The following SCN1A variants were observed in gnomAD, a reference collection of about 807,000 sequenced individuals.
The protein encoded by SCN1A is sodium voltage-gated channel alpha subunit 1, also known as sodium channel protein type 1 subunit alpha.
SCN1A carries 13 observed loss-of-function variants against 193.7 expected under a neutral mutation model. The ratio of observed to expected loss-of-function variants is 0.07; its 90% CI spans 0.04 to 0.11. The LOEUF (loss-of-function observed/expected upper bound fraction) is 0.11. Among genes scored for constraint, SCN1A ranks in the 10% least tolerant of loss-of-function variants. The probability of loss-of-function intolerance (pLI) is 1.00; values close to 1 mark genes in which losing one functional copy is unlikely to be tolerated. For missense variants in SCN1A, 1,432 were observed against 2,451.1 expected (o/e 0.58, Z 8.78); for synonymous variants, 781 against 843.6 (o/e 0.93, Z 1.29).
chr2:166,092,988 G>T (rs916025780), intron 2 of SCN1A, among the ~76,000 whole-genome samples: 1 of 152,032 alleles, frequency 6.6e-6, no homozygotes, highest in Non-Finnish European at 1.5e-5. Flanking sequence ...CATGGCCACA[G>T]CTTGGTAGGT....
chr2:166,120,313 T>C (rs987685582), intron 2 of SCN1A, among the ~76,000 whole-genome samples: 6 of 151,670 alleles, frequency 4.0e-5, no homozygotes, highest in African/African-American at 1.4e-4. Flanking sequence ...ATCCTAATTC[T>C]ATAAACCAGA....
intron 9 of SCN1A, among the ~76,000 whole-genome samples, chr2:166,050,457 A>G (rs1036667507): frequency 6.6e-6 from 1 of 150,998 alleles, no homozygotes; most frequent in African/African-American, 2.4e-5. Context: ...TAAACCCTAA[A>G]TAACCCTCAT....
intron 3 of SCN1A, among the ~76,000 whole-genome samples, chr2:166,074,862 A>G (rs932050221): frequency 1.1e-4 from 17 of 152,152 alleles, no homozygotes; most frequent in Admixed American, 1.0e-3. Context: ...GGAGGTTCTC[A>G]TTGTTGTGAG....
At chr2:166,032,053 C>T (rs950891556) in intron 19 of SCN1A, among the ~76,000 whole-genome samples, 2 of 151,910 alleles carry the variant, frequency 1.3e-5, no homozygotes, top group Non-Finnish European at 2.9e-5. Context: ...TATAATGATG[C>T]ATTGTAGATA....
intron 16 of SCN1A, among the ~76,000 whole-genome samples, chr2:166,040,206 C>G (rs1029067971): frequency 6.6e-6 from 1 of 152,196 alleles, no homozygotes; most frequent in African/African-American, 2.4e-5. Context: ...GCGTGAGCCA[C>G]TGCGCCCAGC....
Position 166,036,119 on chromosome 2 carries a change from C to T in SCN1A, c.3358G>A (p.Gly1120Arg), listed in dbSNP as rs749317646. The T allele has an allele frequency of 6.2e-7, 1 of 1,613,942 alleles. No homozygotes were observed. The highest frequency in any genetic ancestry group is 8.5e-7 in the Non-Finnish European group (1 of 1,179,902). Residue 1120 changes from glycine (G) to arginine (R), a missense_variant, in exon 19 of 29, where the codon GGA (glycine) becomes AGA (arginine). Coordinates refer to ENST00000674923, the MANE Select transcript of SCN1A (RefSeq NM_001165963.4). ...TTTAAATTTTCAAAGTCAGATTCTC[C>T]TACAGCAATTGGTACAGTCACAGTA... ...SLTVTVPIAV[G>R]ESDFENLNTE...
chr2:166,026,679 C>CTTTTTTTTTTTTTTTTTT (rs35750460), intron 19 of SCN1A, among the ~76,000 whole-genome samples: 3 of 97,690 alleles, frequency 3.1e-5, no homozygotes, highest in African/African-American at 4.5e-5. Context: ...TTCTTTCTTT[C>CTTTTTTTTTTTTTTTTTT]TTTTTTTTTT....
In SCN1A at chr2:165,988,038, T is replaced by A. The variant is rs1688717646; in HGVS notation, c.*3207A>T. On this transcript the variant is annotated 3_prime_UTR_variant, in exon 29 of 29. Transcript: ENST00000674923. ...AAAGCCTTTTAATTACTGTCCCTTT[T>A]CTGGTTGAGGCTATATTCCCTCTTC... The A allele has an allele frequency of 6.6e-6, 1 of 152,132 alleles. No homozygotes were observed. Among genetic ancestry groups the A allele is most frequent in the Non-Finnish European group, 1.5e-5 (1 of 68,018 alleles). 9.4% of individuals were successfully genotyped at this position (152,132 alleles called of 1,614,324 possible). A position where few individuals can be genotyped will look rare whatever the true frequency, so the allele number is the denominator to read the frequency against.
intron 9 of SCN1A, among the ~76,000 whole-genome samples, chr2:166,049,396 G>A (rs2105877019): frequency 6.6e-6 from 1 of 152,060 alleles, no homozygotes; most frequent in African/African-American, 2.4e-5. Context: ...TAAAAGAATA[G>A]TATATTTTCT....
intron 1 of SCN1A, among the ~76,000 whole-genome samples, chr2:166,143,876 C>T (rs1356040983): frequency 6.6e-6 from 1 of 152,142 alleles, no homozygotes; most frequent in Non-Finnish European, 1.5e-5. Context: ...TGAGTATTCA[C>T]TTTAAGACTA....
chr2:166,147,792 A>ATATACCATTTATT (rs1256610974), intron 1 of SCN1A, among the ~76,000 whole-genome samples: 2 of 152,216 alleles, frequency 1.3e-5, no homozygotes, highest in African/African-American at 2.4e-5. Flanking sequence ...GTATATTTTC[A>ATATACCATTTATT]TCATAAATAA....
chr2:166,001,449 T>A (rs1289083209), intron 24 of SCN1A, among the ~76,000 whole-genome samples: 5 of 151,806 alleles, frequency 3.3e-5, no homozygotes, highest in African/African-American at 1.2e-4. Context: ...AAAAGGGTTT[T>A]GACCAGTGTT....
chr2:166,085,140 A>ATTGAG (rs1354573031), intron 2 of SCN1A, among the ~76,000 whole-genome samples: 1 of 152,198 alleles, frequency 6.6e-6, no homozygotes, highest in East Asian at 1.9e-4. Context: ...CCATGATGCC[A>ATTGAG]TCCCTATTGG....
At chr2:166,124,392 CA>C in intron 2 of SCN1A, among the ~76,000 whole-genome samples, 1 of 151,946 alleles carries the variant, frequency 6.6e-6, no homozygotes, top group South Asian at 2.1e-4. Flanking sequence ...CTACAAAATA[CA>C]AAAATTAGCC....
At chr2:166,073,314 A>AGTAGG in intron 4 of SCN1A, 44 bp downstream of exon 4, 1 of 1,609,298 alleles carries the variant, frequency 6.2e-7, no homozygotes, top group Non-Finnish European at 8.5e-7. Flanking sequence ...CAAGGAATGC[A>AGTAGG]GTAGGCAATT....
chr2:166,036,703 C>T (rs1696427714), intron 18 of SCN1A, among the ~76,000 whole-genome samples, 173 bp from the exon 19 acceptor site: 1 of 152,182 alleles, frequency 6.6e-6, no homozygotes, highest in South Asian at 2.1e-4. Context: ...TTGTGACTGG[C>T]TCAATAGCAC....
At chr2:166,046,108 A>G (rs1201410560) in intron 12 of SCN1A, among the ~76,000 whole-genome samples, 1 of 152,224 alleles carries the variant, frequency 6.6e-6, no homozygotes, top group Admixed American at 6.5e-5. Flanking sequence ...TTTCTGAAAC[A>G]ACTTTCTTCT....
chr2:166,067,498 A>G (rs1236158674), intron 4 of SCN1A, among the ~76,000 whole-genome samples: 1 of 150,930 alleles, frequency 6.6e-6, no homozygotes, highest in African/African-American at 2.4e-5. Context: ...TGCTGTGATT[A>G]GTGCTATGAC....
chr2:166,086,405 C>T (rs12611767), intron 2 of SCN1A, among the ~76,000 whole-genome samples: 3,374 of 152,238 alleles, frequency 0.022, 288 homozygotes, highest in Admixed American at 0.16. Context: ...ACTCTACCCT[C>T]GGATCATGCT....
Sources: gnomAD v4.1 joint callset for allele counts (sites outside exome capture counted in the v4.1 genomes callset) on GRCh38, gnomAD v4.1.1 for gene constraint, MANE v1.5 for transcripts, NCBI Gene and HGNC (gene_info 2026-07-23, HGNC 2026-07-21) for gene names.